Variants in SPAG1 observed in about 807,000 individuals in gnomAD.
SPAG1 encodes the protein sperm-associated antigen 1.
SPAG1 carries 69 observed loss-of-function variants against 100.5 expected under a neutral mutation model. The ratio of observed to expected loss-of-function variants is 0.69; its 90% confidence interval spans 0.57 to 0.84. The LOEUF is 0.84. SPAG1 is among the 40% of genes least tolerant of loss of function. SPAG1 has a pLI of 0.00. For synonymous variants in SPAG1, 336 were observed against 411.6 expected, an observed-to-expected ratio of 0.82 and a Z score of 2.22; for missense variants, 955 against 1,133.1, an observed-to-expected ratio of 0.84 and a Z score of 2.26.
chr8:100,209,177 A>C (rs1028242331), intron 10 of SPAG1, among the ~76,000 whole-genome samples: 2 of 152,072 alleles, frequency 1.3e-5, no homozygotes, highest in African/African-American at 4.8e-5. Flanking sequence ...GCCCTTGAAC[A>C]TCACACTCCA....
At chr8:100,188,732 TATA>T (rs1480262622) in intron 8 of SPAG1, among the ~76,000 whole-genome samples, 1 of 152,184 alleles carries the variant, frequency 6.6e-6, no homozygotes, top group Non-Finnish European at 1.5e-5. Context: ...TTCAAATAAA[TATA>T]AACACTTTTT....
At chr8:100,218,430 A>T (rs1818109360) in intron 12 of SPAG1, among the ~76,000 whole-genome samples, 1 of 152,200 alleles carries the variant, frequency 6.6e-6, no homozygotes, top group African/African-American at 2.4e-5. Context: ...TCTTCTGTGA[A>T]GTGAAGGTAG....
chr8:100,221,495 A>AT (rs1818277861), intron 13 of SPAG1, among the ~76,000 whole-genome samples: 1 of 152,108 alleles, frequency 6.6e-6, no homozygotes, highest in Non-Finnish European at 1.5e-5. Context: ...TTCTGATCCC[A>AT]TTTGCTTAAA....
At position 100,222,584 on chromosome 8, in the gene SPAG1, T is replaced by G. The variant is rs1818332752; in HGVS notation, c.1688+2153T>G. Among the ~76,000 whole-genome samples the G allele has an allele frequency of 3.9e-5, 6 of 152,248 alleles. 1 individual carries two copies. The South Asian group carries it at 1.2e-3, about 32-fold the overall frequency. ...AGAAAGTAAGATCTTCTCACAGTGT[T>G]AGAGGTTATCATGAAATGGAAAGTG... On this transcript the variant is annotated intron_variant, in intron 13 of 18. Transcript: ENST00000388798.
intron 16 of SPAG1, among the ~76,000 whole-genome samples, chr8:100,237,228 GCAC>G (rs1366446237): frequency 6.6e-6 from 1 of 152,100 alleles, no homozygotes; most frequent in Non-Finnish European, 1.5e-5. Flanking sequence ...CTACAGATGT[GCAC>G]CACCACATCT....
At position 100,191,481 on chromosome 8, in the gene SPAG1, T is replaced by C; in HGVS notation, c.924T>C (p.Asp308=). 2 of 1,611,312 alleles carry C rather than the reference T, an allele frequency of 1.2e-6. No individual in the cohort carries two copies. The highest frequency in any genetic ancestry group is 8.5e-7 in the Non-Finnish European group (1 of 1,177,500). The part of the protein sequence containing the change: ...DLSKVLDVEP[D]NDLAKKTLSE... ...GTAAAGTACTAGATGTTGAGCCTGA[T>C]AATGATTTGGCCAAGGTAAGTATAG... Residue 308 remains aspartate, a synonymous_variant, in exon 9 of 19, where the codon GAT becomes GAC. Transcript: ENST00000388798.
intron 2 of SPAG1, among the ~76,000 whole-genome samples, chr8:100,164,420 A>T (rs568711818): frequency 8.6e-4 from 130 of 151,906 alleles, no homozygotes; most frequent in African/African-American, 2.9e-3. Context: ...AAATGATAAA[A>T]TTTTTTTTTA....
At chr8:100,231,791 C>G (rs968234544) in intron 15 of SPAG1, among the ~76,000 whole-genome samples, 43 of 152,070 alleles carry the variant, frequency 2.8e-4, no homozygotes, top group Non-Finnish European at 5.4e-4. Context: ...AACCCCGTCT[C>G]TACTAAAAAT....
intron 3 of SPAG1, among the ~76,000 whole-genome samples, chr8:100,167,072 A>G (rs1815594201): frequency 1.3e-5 from 2 of 152,172 alleles, no homozygotes; most frequent in African/African-American, 2.4e-5. Flanking sequence ...GTGTGTGCCT[A>G]TAGTCCCAGT....
chr8:100,168,356 G>A (rs755846813), intron 3 of SPAG1, among the ~76,000 whole-genome samples: 1 of 151,530 alleles, frequency 6.6e-6, no homozygotes, highest in Non-Finnish European at 1.5e-5. Flanking sequence ...TACATCCTTT[G>A]CCCGTTAAAA....
Position 100,184,009 on chromosome 8 carries a change from C to A in SPAG1, c.542C>A (p.Thr181Lys). 1 of 1,543,290 alleles carries A rather than the reference C, an allele frequency of 6.5e-7. No homozygotes were observed. ...LKIDEDYKEK[T>K]VIDKSHLSKI... ...ATTGATGAAGATTACAAAGAAAAGA[C>A]GGTAATAGACAAGTCACACTTGTCT... Residue 181 changes from threonine to lysine, a missense_variant, in exon 6 of 19, where the codon ACG becomes AAG. Transcript: ENST00000388798.
chr8:100,212,962 G>A, intron 10 of SPAG1, 128 bp from the exon 11 acceptor site: 1 of 698,408 alleles, frequency 1.4e-6, no homozygotes, highest in Non-Finnish European at 2.1e-6. Flanking sequence ...CCGCCCGCAG[G>A]GGCGGTGCCC....
chr8:100,184,868 C>G (rs1816522273), intron 7 of SPAG1, 135 bp downstream of exon 7: 2 of 591,922 alleles, frequency 3.4e-6, no homozygotes, highest in Non-Finnish European at 5.8e-6. Context: ...ATCATATATT[C>G]ACTTGTGTTT....
In SPAG1 at chr8:100,162,322, A is replaced by T; in HGVS notation, c.42A>T (p.Thr14=). The T allele has an allele frequency of 6.2e-7, 1 of 1,606,772 alleles. No individual in the cohort carries two copies. The highest frequency in any genetic ancestry group is 8.5e-7 in the Non-Finnish European group (1 of 1,177,432). Residue 14 remains threonine (T), a synonymous_variant, in exon 2 of 19, where the codon ACA becomes ACT. Transcript: ENST00000388798. ...KDYPSLWGFG[T]TKTFKIPIEH... is the part of the protein sequence containing the mutation. ...ATCCATCATTGTGGGGCTTTGGAAC[A>T]ACAAAAACATTCAAAATTCCCATTG...
At position 100,213,446 on chromosome 8, in the gene SPAG1, C is replaced by T; in HGVS notation, c.1435+18C>T. ...GCCAGCAGGTAGGTGCGCCGCGCCC[C>T]GCCGCTTCCTGGGCCCCTCGCGCTG... On this transcript the variant is annotated intron_variant, in intron 11 of 18. Transcript: ENST00000388798. 1.4e-6 allele frequency: 2 copies of T among 1,384,664 alleles called. No homozygotes were observed. The highest frequency in any genetic ancestry group is 1.9e-6 in the Non-Finnish European group (2 of 1,071,400). 85.8% of individuals were successfully genotyped at this position (1,384,664 alleles called of 1,614,324 possible). A position where few individuals can be genotyped will look rare whatever the true frequency, so the allele number is the denominator to read the frequency against.
chr8:100,221,293 T>C (rs1181924971), intron 13 of SPAG1, among the ~76,000 whole-genome samples: 1 of 152,138 alleles, frequency 6.6e-6, no homozygotes, highest in Non-Finnish European at 1.5e-5. Flanking sequence ...CCCTTGTAAA[T>C]AGACACTTAT....
chr8:100,170,285 T>C (rs1428807295), intron 3 of SPAG1, among the ~76,000 whole-genome samples: 1 of 152,260 alleles, frequency 6.6e-6, no homozygotes, highest in Non-Finnish European at 1.5e-5. Flanking sequence ...AAGCATTATA[T>C]GTAGCTCATG....
chr8:100,185,493 C>A lies in SPAG1; in HGVS notation c.701+760C>A, dbSNP rs560898989. 3.3e-5 allele frequency among the ~76,000 whole-genome samples: 5 copies of A among 152,252 alleles called. No individual in the cohort carries two copies. In the East Asian group the frequency reaches 9.6e-4, roughly 29 times the overall value. Reference sequence around the variant, plus strand: ...TTAAGCTTGTGTGATTTGATAATAACTAGAATGTAAGATTTGTAACAGCAG... The same window carrying A: ...TTAAGCTTGTGTGATTTGATAATAAATAGAATGTAAGATTTGTAACAGCAG... On this transcript the variant is annotated intron_variant, in intron 7 of 18. Transcript: ENST00000388798.
In SPAG1 at chr8:100,213,221, C is replaced by G; in HGVS notation, c.1228C>G (p.Pro410Ala). 6 of 1,396,980 alleles carry G rather than the reference C, an allele frequency of 4.3e-6. No individual in the cohort carries two copies. Among genetic ancestry groups the G allele is most frequent in the East Asian group, 3.2e-5 (1 of 31,522 alleles). 86.5% of individuals were successfully genotyped at this position (1,396,980 alleles called of 1,614,324 possible). ...GGGCGCGCCGCAGCGGGGCCAGACCCCGGAGGCCGGCGCGGACAAGCGGAG... is the reference window on the plus strand; with the variant it reads ...GGGCGCGCCGCAGCGGGGCCAGACCGCGGAGGCCGGCGCGGACAAGCGGAG... ...ARGAPQRGQT[P>A]EAGADKRSPR... Residue 410 changes from proline to alanine, a missense_variant, in exon 11 of 19, where the codon CCG (proline) becomes GCG (alanine). Physicochemically the swap from Pro to Ala is conservative, Grantham distance 27 (BLOSUM62 -1). Coordinates refer to ENST00000388798, the MANE Select transcript of SPAG1 (RefSeq NM_003114.5).
Sources: gnomAD v4.1 joint callset for allele counts (sites outside exome capture counted in the v4.1 genomes callset) on GRCh38, gnomAD v4.1.1 for gene constraint, MANE v1.5 for transcripts, NCBI Gene and HGNC (gene_info 2026-07-23, HGNC 2026-07-21) for gene names.